The following PDE5A variants were observed in gnomAD, a reference collection of about 807,000 sequenced individuals.
The protein encoded by PDE5A is phosphodiesterase 5A, also known as cGMP-specific 3',5'-cyclic phosphodiesterase.
Under a neutral mutation model 110.2 loss-of-function variants are expected in PDE5A, and 67 were observed. The ratio of observed to expected loss-of-function variants is 0.61; its 90% confidence interval spans 0.50 to 0.75. PDE5A has a LOEUF of 0.75. Among genes scored for constraint, PDE5A ranks in the 30% least tolerant of loss-of-function variants. The pLI, the probability that PDE5A is intolerant of heterozygous loss-of-function variation, is 0.00. For missense variants in PDE5A, 862 were observed against 1,045.1 expected (o/e 0.82, Z 2.42); for synonymous variants, 328 against 351.2 (o/e 0.93, Z 0.74).
chr4:119,622,160 C>A (rs1416426672), intron 1 of PDE5A, among the ~76,000 whole-genome samples: 5 of 138,424 alleles, frequency 3.6e-5, no homozygotes, highest in African/African-American at 1.4e-4. Flanking sequence ...GGCGACAGAG[C>A]GAGACTCCAT....
In PDE5A at chr4:119,507,584, G is replaced by A. The variant is rs1457190255; in HGVS notation, c.2189+20C>T. The A allele has an allele frequency of 1.0e-5, 14 of 1,404,034 alleles. No homozygotes were observed. Among genetic ancestry groups the A allele is most frequent in the Non-Finnish European group, 1.4e-5 (14 of 1,016,276 alleles). The allele number at this position is 1,404,034 out of a possible 1,614,324, so 87.0% of individuals were successfully genotyped here. A position where few individuals can be genotyped will look rare whatever the true frequency, so the allele number is the denominator to read the frequency against. ...AAAGACTTCAAATACCTATTTCTCA[G>A]GTTATTTCTTAAAACTTACTTAATG... On this transcript the variant is annotated intron_variant, in intron 16 of 20. Coordinates refer to ENST00000354960, the MANE Select transcript of PDE5A (RefSeq NM_001083.4).
Position 119,553,425 on chromosome 4 carries a change from A to T in PDE5A, c.1308+213T>A, listed in dbSNP as rs1048307460. On this transcript the variant is annotated intron_variant, in intron 8 of 20. Transcript: ENST00000354960. ...TACGGTAACTTATTAATAGACATTT[A>T]AAAAGGTGAAAAAAGTACAAAGAAA... Among the ~76,000 whole-genome samples the T allele has an allele frequency of 2.6e-5, 4 of 152,160 alleles. No homozygotes were observed. In the East Asian group the frequency reaches 7.7e-4, roughly 29 times the overall value.
chr4:119,539,559 C>T (rs1021124216), intron 10 of PDE5A, among the ~76,000 whole-genome samples: 2 of 152,040 alleles, frequency 1.3e-5, no homozygotes, highest in East Asian at 3.9e-4. Flanking sequence ...GATCCCTTTA[C>T]ACTCCTACAA....
chr4:119,571,842 C>T (rs1262238589), intron 3 of PDE5A, among the ~76,000 whole-genome samples: 1 of 152,178 alleles, frequency 6.6e-6, no homozygotes, highest in Non-Finnish European at 1.5e-5. Context: ...TAATCATCTT[C>T]CTGCCTTCAG....
chr4:119,560,408 A>AT (rs1167736741), intron 6 of PDE5A, 45 bp from the exon 7 acceptor site: 1 of 1,277,888 alleles, frequency 7.8e-7, no homozygotes, highest in East Asian at 2.4e-5. Context: ...TGACAAGGTA[A>AT]TGAAAACTAT....
intron 11 of PDE5A, among the ~76,000 whole-genome samples, chr4:119,527,978 T>C (rs974896193): frequency 6.6e-6 from 1 of 152,082 alleles, no homozygotes; most frequent in Non-Finnish European, 1.5e-5. Flanking sequence ...AGTTTAGATA[T>C]TAGTGTTTAA....
intron 14 of PDE5A, among the ~76,000 whole-genome samples, chr4:119,516,803 T>C (rs564421867): frequency 6.6e-6 from 1 of 152,266 alleles, no homozygotes; most frequent in South Asian, 2.1e-4. Flanking sequence ...GTATTTTTAG[T>C]AGAGATGGGG....
chr4:119,616,643 A>AC, intron 1 of PDE5A, among the ~76,000 whole-genome samples: 1 of 152,044 alleles, frequency 6.6e-6, no homozygotes. Flanking sequence ...CATGTGCACT[A>AC]CCCTGGTTCC....
intron 3 of PDE5A, among the ~76,000 whole-genome samples, chr4:119,571,895 T>C (rs1275565901): frequency 6.6e-6 from 1 of 152,222 alleles, no homozygotes; most frequent in Non-Finnish European, 1.5e-5. Flanking sequence ...CTTGGGGCAC[T>C]GTTGTGCATA....
intron 4 of PDE5A, 62 bp downstream of exon 4, chr4:119,567,011 T>C (rs1727958207): frequency 9.0e-7 from 1 of 1,112,392 alleles, no homozygotes; most frequent in African/African-American, 1.5e-5. Flanking sequence ...CCTAGAGGTG[T>C]ATATACTATA....
At chr4:119,520,503 A>G (rs1726084794) in intron 13 of PDE5A, among the ~76,000 whole-genome samples, 1 of 152,122 alleles carries the variant, frequency 6.6e-6, no homozygotes, top group South Asian at 2.1e-4. Context: ...TGCTCCAGAG[A>G]AAATGCGATA....
intron 14 of PDE5A, among the ~76,000 whole-genome samples, chr4:119,513,849 A>C (rs1050352359): frequency 6.6e-6 from 1 of 152,220 alleles, no homozygotes; most frequent in Non-Finnish European, 1.5e-5. Context: ...ACTGTTTCAC[A>C]TTAGAGAAAA....
chr4:119,502,625 C>A lies in PDE5A; in HGVS notation c.2362G>T (p.Asp788Tyr), dbSNP rs201756535. 4 of 1,607,476 alleles carry A rather than the reference C, an allele frequency of 2.5e-6. No homozygotes were observed. The East Asian group carries it at 6.7e-5, about 27-fold the overall frequency. The change falls in exon 19 of 21, where the codon GAT becomes TAT. Residue 788 changes from aspartate to tyrosine, a missense_variant. Asp to Tyr is a radical substitution (Grantham distance 160). Coordinates refer to ENST00000354960, the MANE Select transcript of PDE5A (RefSeq NM_001083.4). Reference sequence around the variant, plus strand: ...TCTTTTCTCTCTCTGTCTCCTTGATCAAAAAATTCAGTTGCTACAAGTTCT... The same window carrying A: ...TCTTTTCTCTCTCTGTCTCCTTGATAAAAAAATTCAGTTGCTACAAGTTCT... ...IAELVATEFF[D>Y]QGDRERKELN...
In PDE5A at chr4:119,498,849, C is replaced by CTGT. The variant is rs1157843821; in HGVS notation, c.2491-114_2491-112dup. ...CACACTCATTTCATAAGCAGACTCA[C>CTGT]TGTTGAAATTTTCACAAGCTTTGTG... On this transcript the variant is annotated intron_variant, in intron 20 of 20. Transcript: ENST00000354960. 9 of 1,138,864 alleles carry CTGT rather than the reference C, an allele frequency of 7.9e-6. No homozygotes were observed. The Middle Eastern group carries it at 8.6e-4, about 109-fold the overall frequency. The allele number at this position is 1,138,864 out of a possible 1,614,324, so 70.5% of individuals were successfully genotyped here.
At chr4:119,617,083 TG>T (rs1729969025) in intron 1 of PDE5A, among the ~76,000 whole-genome samples, 1 of 152,282 alleles carries the variant, frequency 6.6e-6, no homozygotes, top group Non-Finnish European at 1.5e-5. Flanking sequence ...TAATATTCAT[TG>T]AAAAAAATGA....
chr4:119,625,185 G>A (rs936109423), intron 1 of PDE5A, among the ~76,000 whole-genome samples: 3 of 152,030 alleles, frequency 2.0e-5, no homozygotes, highest in South Asian at 2.1e-4. Flanking sequence ...AGTAGAGACG[G>A]GGTTTCACCA....
chr4:119,560,756 G>A (rs1727719047), intron 6 of PDE5A, among the ~76,000 whole-genome samples: 1 of 152,124 alleles, frequency 6.6e-6, no homozygotes, highest in Non-Finnish European at 1.5e-5. Context: ...TTAAAAAGAT[G>A]TTTCATTCAG....
At chr4:119,581,878 T>TA (rs1275610875) in intron 3 of PDE5A, among the ~76,000 whole-genome samples, 3 of 152,242 alleles carry the variant, frequency 2.0e-5, no homozygotes, top group Non-Finnish European at 4.4e-5. Context: ...ATACCATAAT[T>TA]AAAAAATACT....
chr4:119,583,890 G>A (rs2110524071), intron 3 of PDE5A, among the ~76,000 whole-genome samples: 1 of 152,316 alleles, frequency 6.6e-6, no homozygotes, highest in East Asian at 1.9e-4. Flanking sequence ...GGTCCAATGA[G>A]TGTTCTGCTT....
Sources: gnomAD v4.1 joint callset for allele counts (sites outside exome capture counted in the v4.1 genomes callset) on GRCh38, gnomAD v4.1.1 for gene constraint, MANE v1.5 for transcripts, NCBI Gene and HGNC (gene_info 2026-07-23, HGNC 2026-07-21) for gene names.